Variants in CDC14B observed in about 807,000 individuals in gnomAD.
The protein encoded by CDC14B is cell division cycle 14B.
Under a neutral mutation model 64.2 loss-of-function variants are expected in CDC14B, and 22 were observed. The observed-to-expected ratio is 0.34, with a 90% CI of 0.24 to 0.49. CDC14B has a LOEUF of 0.49. CDC14B is among the 20% of genes least tolerant of loss of function. The probability of loss-of-function intolerance (pLI) is 0.99; values close to 1 mark genes in which losing one functional copy is unlikely to be tolerated. For missense variants in CDC14B, 498 were observed against 629.9 expected, an observed-to-expected ratio of 0.79 and a Z score of 2.24; for synonymous variants, 191 against 215.8, an observed-to-expected ratio of 0.89 and a Z score of 1.01.
At chr9:96,593,900 T>A (rs998905212) in intron 1 of CDC14B, among the ~76,000 whole-genome samples, 8 of 152,130 alleles carry the variant, frequency 5.3e-5, no homozygotes, top group African/African-American at 1.9e-4. Flanking sequence ...TAGGTAGCCA[T>A]CTGAAAAGAT....
At chr9:96,519,469 T>C (rs1191090338) in intron 12 of CDC14B, among the ~76,000 whole-genome samples, 2 of 151,920 alleles carry the variant, frequency 1.3e-5, no homozygotes, top group African/African-American at 4.8e-5. Context: ...GCGCCGGTGG[T>C]TCATGCCTGT....
intron 5 of CDC14B, among the ~76,000 whole-genome samples, chr9:96,542,731 C>A (rs545408369): frequency 6.6e-6 from 1 of 152,058 alleles, no homozygotes; most frequent in East Asian, 1.9e-4. Flanking sequence ...CCGGCCTCTG[C>A]CGGGCGCAGT....
chr9:96,498,472 G>A (rs1210051666), downstream of CDC14B, among the ~76,000 whole-genome samples: 1 of 152,194 alleles, frequency 6.6e-6, no homozygotes, highest in African/African-American at 2.4e-5. Context: ...CCTCTCCCAT[G>A]GCCCAAGCTT....
intron 1 of CDC14B, among the ~76,000 whole-genome samples, chr9:96,573,413 C>T (rs758080610): frequency 4.6e-5 from 7 of 151,928 alleles, no homozygotes; most frequent in Non-Finnish European, 1.0e-4. Context: ...TACACAAAAA[C>T]CAATAGCTTT....
At chr9:96,494,728 T>C (rs1228219458) in intron 13 of CDC14B, among the ~76,000 whole-genome samples, 2 of 151,226 alleles carry the variant, frequency 1.3e-5, no homozygotes, top group African/African-American at 4.9e-5. Context: ...TTTCCTTTCC[T>C]TTCTTTCCCT....
intron 4 of CDC14B, among the ~76,000 whole-genome samples, chr9:96,552,298 G>T (rs1368979556): frequency 6.6e-6 from 1 of 152,212 alleles, no homozygotes; most frequent in Non-Finnish European, 1.5e-5. Context: ...CACAGACTGT[G>T]ATTAACTCTG....
intron 12 of CDC14B, among the ~76,000 whole-genome samples, chr9:96,519,730 T>TAAAA (rs59101582): frequency 9.0e-6 from 1 of 111,364 alleles, no homozygotes; most frequent in Non-Finnish European, 1.9e-5. Flanking sequence ...GACTCTGTCT[T>TAAAA]AAAAAAAAAA....
chr9:96,525,476 C>G (rs1042031747), intron 9 of CDC14B, among the ~76,000 whole-genome samples: 1 of 151,920 alleles, frequency 6.6e-6, no homozygotes, highest in African/African-American at 2.4e-5. Context: ...CCTGCCTACT[C>G]CTTGATTTCA....
chr9:96,529,844 C>T (rs7037498), intron 9 of CDC14B, among the ~76,000 whole-genome samples: 23,221 of 152,016 alleles, frequency 0.15, 5,915 homozygotes, highest in African/African-American at 0.53. Context: ...TTTATTCTTT[C>T]TCAAGATTGT....
At chr9:96,496,484 G>A (rs1564176710), downstream of CDC14B, 4 of 401,356 alleles carry the variant, frequency 1.0e-5, no homozygotes, top group Non-Finnish European at 1.5e-5. Flanking sequence ...ACTCTCAACC[G>A]CAAGGCAAAC....
chr9:96,599,893 A>C (rs1271271483), intron 1 of CDC14B, among the ~76,000 whole-genome samples: 2 of 151,876 alleles, frequency 1.3e-5, no homozygotes, highest in Non-Finnish European at 2.9e-5. Context: ...CACCACACCC[A>C]ACTAATTTTT....
At chr9:96,543,799 G>A (rs1322235445) in intron 5 of CDC14B, among the ~76,000 whole-genome samples, 1 of 152,204 alleles carries the variant, frequency 6.6e-6, no homozygotes, top group Non-Finnish European at 1.5e-5. Context: ...TGCTCCTGGG[G>A]AAACAGGGTT....
At chr9:96,584,212 C>T (rs912492506) in intron 1 of CDC14B, among the ~76,000 whole-genome samples, 1 of 152,166 alleles carries the variant, frequency 6.6e-6, no homozygotes, top group African/African-American at 2.4e-5. Context: ...TGTTGAGTGG[C>T]AGACTTTTTC....
intron 12 of CDC14B, among the ~76,000 whole-genome samples, chr9:96,519,284 C>T (rs1836274968): frequency 6.6e-6 from 1 of 152,230 alleles, no homozygotes; most frequent in African/African-American, 2.4e-5. Flanking sequence ...CATTTTAGCA[C>T]AGACAATATA....
intron 4 of CDC14B, among the ~76,000 whole-genome samples, chr9:96,553,108 C>A (rs1014814087): frequency 3.9e-5 from 6 of 152,206 alleles, no homozygotes; most frequent in African/African-American, 1.2e-4. Flanking sequence ...AATCTACTTA[C>A]AATAGTTAGG....
chr9:96,615,735 A>G (rs114973527), intron 1 of CDC14B, among the ~76,000 whole-genome samples: 1,530 of 152,106 alleles, frequency 0.01, 21 homozygotes, highest in African/African-American at 0.034. Flanking sequence ...CTGCCATTCT[A>G]CTCCTGGGTG....
intron 1 of CDC14B, among the ~76,000 whole-genome samples, chr9:96,611,410 C>A (rs1169718187): frequency 6.6e-6 from 1 of 152,186 alleles, no homozygotes; most frequent in Non-Finnish European, 1.5e-5. Context: ...AACTCCGCAC[C>A]TACTTACCTC....
chr9:96,606,670 G>A (rs893709753), intron 1 of CDC14B, among the ~76,000 whole-genome samples: 9 of 151,754 alleles, frequency 5.9e-5, no homozygotes, highest in South Asian at 2.1e-4. Flanking sequence ...GGGTTCAAGC[G>A]ATTCTCCTGC....
downstream of CDC14B, chr9:96,496,317 A>G (rs1006962408): frequency 1.2e-5 from 6 of 516,548 alleles, no homozygotes; most frequent in Non-Finnish European, 2.3e-5. Flanking sequence ...GCCAGATCAG[A>G]AGCCGGTCTA....
Sources: gnomAD v4.1 joint callset for allele counts (sites outside exome capture counted in the v4.1 genomes callset) on GRCh38, gnomAD v4.1.1 for gene constraint, MANE v1.5 for transcripts, NCBI Gene and HGNC (gene_info 2026-07-23, HGNC 2026-07-21) for gene names.